Variants in TRPM3 observed in about 807,000 individuals in gnomAD.
TRPM3 encodes the protein long transient receptor potential channel 3.
Under a neutral mutation model 181.2 loss-of-function variants are expected in TRPM3, and 77 were observed. That is an observed-to-expected ratio of 0.42 (90% CI 0.35 to 0.51). The LOEUF (loss-of-function observed/expected upper bound fraction) is 0.51, where lower values mean the gene tolerates loss of function less well. Ranked by LOEUF, TRPM3 falls within the 20% of genes least tolerant of loss-of-function variation. TRPM3 has a pLI of 0.01. For synonymous variants in TRPM3, 745 were observed against 796.4 expected (o/e 0.94, Z 1.09); for missense variants, 1,759 against 2,196.7 (o/e 0.80, Z 3.98).
chr9:71,181,926 C>T (rs1587821847), intron 1 of TRPM3, among the ~76,000 whole-genome samples: 1 of 152,064 alleles, frequency 6.6e-6, no homozygotes, highest in Non-Finnish European at 1.5e-5. Flanking sequence ...TCCTGGGCCA[C>T]TCAATAAATG....
chr9:70,553,501 G>T (rs747301741), intron 22 of TRPM3, among the ~76,000 whole-genome samples, 191 bp from the exon 23 acceptor site: 1 of 152,174 alleles, frequency 6.6e-6, no homozygotes, highest in South Asian at 2.1e-4. Context: ...CTACTGTGGT[G>T]GTGGGGGGCC....
chr9:70,571,285 T>C lies in TRPM3; in HGVS notation c.3224-17975A>G, dbSNP rs187878838. ...GTCACACAAGCTCCCTGGGCCTCAG[T>C]TTCTTCAATTATGAATTAGGTAATA... On this transcript the variant is annotated intron_variant, in intron 22 of 25. Coordinates refer to ENST00000677713, the MANE Select transcript of TRPM3 (RefSeq NM_001366145.2). Among the ~76,000 whole-genome samples, 11 of 152,302 alleles carry C rather than the reference T, an allele frequency of 7.2e-5. No individual in the cohort carries two copies. In the East Asian group the frequency reaches 1.4e-3, roughly 19 times the overall value.
chr9:70,956,069 C>A (rs1169844636), intron 1 of TRPM3, among the ~76,000 whole-genome samples: 1 of 152,134 alleles, frequency 6.6e-6, no homozygotes, highest in Admixed American at 6.6e-5. Flanking sequence ...CTATTTAGCA[C>A]TATCATTTGA....
intron 1 of TRPM3, among the ~76,000 whole-genome samples, chr9:71,078,035 C>T (rs907475457): frequency 2.6e-5 from 4 of 151,642 alleles, no homozygotes; most frequent in Non-Finnish European, 4.4e-5. Flanking sequence ...TTTGAGCTAG[C>T]AACTCCGTCT....
At chr9:71,007,101 A>G (rs1417056315) in intron 1 of TRPM3, among the ~76,000 whole-genome samples, 8 of 149,988 alleles carry the variant, frequency 5.3e-5, no homozygotes, top group East Asian at 3.9e-4. Context: ...CAGAAAAAAA[A>G]AAAAAGAAAA....
intron 1 of TRPM3, among the ~76,000 whole-genome samples, chr9:70,900,178 A>T (rs186593840): frequency 1.3e-3 from 200 of 152,296 alleles, no homozygotes; most frequent in African/African-American, 4.5e-3. Context: ...CAAGCAAATA[A>T]GGAACAGAAT....
intron 21 of TRPM3, among the ~76,000 whole-genome samples, chr9:70,598,046 C>A (rs1028883098): frequency 3.9e-5 from 6 of 152,160 alleles, no homozygotes. Flanking sequence ...TTCTGTTGTA[C>A]TTTATACACA....
intron 12 of TRPM3, among the ~76,000 whole-genome samples, chr9:70,627,865 C>G (rs1459021581): frequency 6.6e-6 from 1 of 152,180 alleles, no homozygotes; most frequent in Non-Finnish European, 1.5e-5. Context: ...TTCAAAATCT[C>G]CTTTGTTTGA....
intron 1 of TRPM3, among the ~76,000 whole-genome samples, chr9:71,282,523 G>T (rs947163410): frequency 6.6e-6 from 1 of 152,166 alleles, no homozygotes; most frequent in South Asian, 2.1e-4. Context: ...GTATGCCAAA[G>T]CACTACAAAG....
At chr9:71,143,193 TTTTTC>T (rs1438947337) in intron 1 of TRPM3, among the ~76,000 whole-genome samples, 1 of 151,980 alleles carries the variant, frequency 6.6e-6, no homozygotes, top group African/African-American at 2.4e-5. Context: ...CATTAAATAT[TTTTTC>T]TTTTAACTTT....
At chr9:71,200,385 A>G (rs2078700077) in intron 1 of TRPM3, among the ~76,000 whole-genome samples, 1 of 151,260 alleles carries the variant, frequency 6.6e-6, no homozygotes, top group African/African-American at 2.4e-5. Context: ...GATGTCTATT[A>G]GGCCCGCTTG....
chr9:70,615,701 A>G (rs562541763), intron 18 of TRPM3, among the ~76,000 whole-genome samples: 5 of 152,346 alleles, frequency 3.3e-5, no homozygotes, highest in African/African-American at 1.2e-4. Context: ...GCAAGACTTC[A>G]CATATGGGTG....
chr9:70,581,357 G>A lies in TRPM3; in HGVS notation c.3223+9674C>T, dbSNP rs529340132. 3.6e-4 allele frequency among the ~76,000 whole-genome samples: 55 copies of A among 152,398 alleles called. 2 individuals carry two copies. In the South Asian group the frequency reaches 0.011, roughly 30 times the overall value. ...TATCAAATATTTGGCTGAAAGCCAA[G>A]CAATTCAGTCAAACATCACTTGACA... On this transcript the variant is annotated intron_variant, in intron 22 of 25. Coordinates refer to ENST00000677713, the MANE Select transcript of TRPM3 (RefSeq NM_001366145.2).
Position 71,178,338 on chromosome 9 carries a change from G to A in TRPM3, c.183+268315C>T, listed in dbSNP as rs568619231. Among the ~76,000 whole-genome samples, 97 of 152,188 alleles carry A rather than the reference G, an allele frequency of 6.4e-4. No individual in the cohort carries two copies. The South Asian group carries it at 0.01, about 16-fold the overall frequency. The stretch of plus-strand genomic sequence containing the variant: ...ATATTTTCCATAGTATAGTATAAAA[G>A]TATCTGAATAGAGTAAGTAATACAG... On this transcript the variant is annotated intron_variant, in intron 1 of 24. Transcript: ENST00000357533.
At chr9:70,653,848 G>A (rs1384631532) in intron 9 of TRPM3, among the ~76,000 whole-genome samples, 2 of 152,148 alleles carry the variant, frequency 1.3e-5, no homozygotes, top group Non-Finnish European at 2.9e-5. Context: ...ACTCACCCCT[G>A]TTGGGGTGTT....
intron 1 of TRPM3, among the ~76,000 whole-genome samples, chr9:70,981,518 A>C (rs1459809305): frequency 6.6e-6 from 1 of 152,194 alleles, no homozygotes; most frequent in Non-Finnish European, 1.5e-5. Flanking sequence ...TGCTGACATC[A>C]CAATGTTGCC....
At chr9:70,860,367 C>T (rs1415224) in intron 3 of TRPM3, among the ~76,000 whole-genome samples, 53,794 of 151,986 alleles carry the variant, frequency 0.35, 9,897 homozygotes, top group African/African-American at 0.39. Context: ...AGTAAGTTAG[C>T]TCTTTGTAGG....
chr9:70,778,013 A>C (rs1302595856), intron 7 of TRPM3, among the ~76,000 whole-genome samples: 3 of 151,306 alleles, frequency 2.0e-5, no homozygotes, highest in African/African-American at 7.3e-5. Flanking sequence ...ACACACACAC[A>C]AAACACTGCC....
intron 1 of TRPM3, among the ~76,000 whole-genome samples, chr9:71,245,709 A>G (rs1021441323): frequency 2.0e-5 from 3 of 152,202 alleles, no homozygotes; most frequent in African/African-American, 7.2e-5. Flanking sequence ...GGCTTGATAC[A>G]GACAAGCCCA....
Sources: gnomAD v4.1 joint callset for allele counts (sites outside exome capture counted in the v4.1 genomes callset) on GRCh38, gnomAD v4.1.1 for gene constraint, MANE v1.5 for transcripts, NCBI Gene and HGNC (gene_info 2026-07-23, HGNC 2026-07-21) for gene names.